The following UNC13C variants were observed in gnomAD, a reference collection of about 807,000 sequenced individuals.
UNC13C encodes the protein protein unc-13 homolog C.
In UNC13C, 174 loss-of-function variants were observed where a neutral mutation model predicts 245.4. That is an observed-to-expected ratio of 0.71 (90% CI 0.63 to 0.80). The LOEUF is 0.80. Among genes scored for constraint, UNC13C ranks in the 30% least tolerant of loss-of-function variants. The probability of loss-of-function intolerance (pLI) is 0.00; values close to 1 mark genes in which losing one functional copy is unlikely to be tolerated. For synonymous variants in UNC13C, 992 were observed against 895.1 expected, an observed-to-expected ratio of 1.11 and a Z score of -1.93; for missense variants, 2,829 against 2,602.9, an observed-to-expected ratio of 1.09 and a Z score of -1.89.
intron 18 of UNC13C, among the ~76,000 whole-genome samples, chr15:54,400,800 T>G (rs1189743696): frequency 6.6e-6 from 1 of 152,216 alleles, no homozygotes; most frequent in Non-Finnish European, 1.5e-5. Flanking sequence ...GTGCACAACG[T>G]GCAGGTTTTT....
intron 4 of UNC13C, among the ~76,000 whole-genome samples, chr15:54,223,538 T>C (rs1042203280): frequency 9.9e-5 from 15 of 152,068 alleles, no homozygotes; most frequent in African/African-American, 3.4e-4. Context: ...TTCTTTAAGT[T>C]TTGTGTTTTT....
At chr15:54,589,422 C>G (rs1001022485) in intron 30 of UNC13C, among the ~76,000 whole-genome samples, 2 of 150,756 alleles carry the variant, frequency 1.3e-5, no homozygotes, top group Non-Finnish European at 2.9e-5. Context: ...CCTCAGCCTC[C>G]CGAATAGCTG....
chr15:54,512,749 G>A (rs888117204), intron 24 of UNC13C, among the ~76,000 whole-genome samples: 3 of 152,236 alleles, frequency 2.0e-5, no homozygotes, highest in South Asian at 2.1e-4. Context: ...TGAGATGTGC[G>A]TAATGCTAGG....
chr15:54,079,682 T>C (rs1259546435), intron 2 of UNC13C, among the ~76,000 whole-genome samples: 1 of 152,074 alleles, frequency 6.6e-6, no homozygotes, highest in African/African-American at 2.4e-5. Flanking sequence ...ACTGCTGAAG[T>C]TCTTTATCAG....
chr15:54,461,488 GT>G (rs1440368396), intron 19 of UNC13C, among the ~76,000 whole-genome samples: 2 of 152,064 alleles, frequency 1.3e-5, no homozygotes, highest in Non-Finnish European at 2.9e-5. Flanking sequence ...TATTTTGTTA[GT>G]CTATAATTTG....
intron 30 of UNC13C, among the ~76,000 whole-genome samples, chr15:54,609,745 G>C (rs990085228): frequency 2.0e-5 from 3 of 152,058 alleles, no homozygotes; most frequent in African/African-American, 7.2e-5. Context: ...CCAGTCTCAT[G>C]CTGCTAATAA....
At chr15:54,385,179 G>A (rs1266847760) in intron 17 of UNC13C, among the ~76,000 whole-genome samples, 1 of 152,056 alleles carries the variant, frequency 6.6e-6, no homozygotes, top group Non-Finnish European at 1.5e-5. Context: ...AAAGAATAGT[G>A]GAAAGATATG....
chr15:54,089,550 G>A (rs2141133493), intron 2 of UNC13C, among the ~76,000 whole-genome samples: 1 of 152,144 alleles, frequency 6.6e-6, no homozygotes, highest in Non-Finnish European at 1.5e-5. Flanking sequence ...TGTTCACTGG[G>A]GTAGAGAGTG....
chr15:54,347,239 A>G (rs1405315696), intron 17 of UNC13C, among the ~76,000 whole-genome samples: 1 of 152,168 alleles, frequency 6.6e-6, no homozygotes, highest in Non-Finnish European at 1.5e-5. Context: ...CGTGGAAACC[A>G]CTCAGCGAAA....
At chr15:54,592,062 C>T (rs1898821482) in intron 30 of UNC13C, among the ~76,000 whole-genome samples, 1 of 152,136 alleles carries the variant, frequency 6.6e-6, no homozygotes, top group African/African-American at 2.4e-5. Context: ...ACCCAATGCT[C>T]ATTCAGGAGC....
intron 2 of UNC13C, among the ~76,000 whole-genome samples, chr15:54,101,641 C>T (rs1900170878): frequency 6.6e-6 from 1 of 151,850 alleles, no homozygotes; most frequent in African/African-American, 2.4e-5. Flanking sequence ...AGTGCAGTGG[C>T]ACTATCTCTG....
At chr15:53,989,869 G>A (rs746333775) in intron 1 of UNC13C, among the ~76,000 whole-genome samples, 3 of 151,952 alleles carry the variant, frequency 2.0e-5, no homozygotes, top group Admixed American at 6.6e-5. Flanking sequence ...GCAATAGTTC[G>A]GCATCTCAGA....
At chr15:54,120,777 T>C (rs1336232423) in intron 2 of UNC13C, among the ~76,000 whole-genome samples, 1 of 151,884 alleles carries the variant, frequency 6.6e-6, no homozygotes, top group African/African-American at 2.4e-5. Flanking sequence ...ATTCCAACCC[T>C]CATGGATGAC....
At chr15:54,112,621 C>T (rs72742581) in intron 2 of UNC13C, among the ~76,000 whole-genome samples, 14,192 of 152,054 alleles carry the variant, frequency 0.093, 906 homozygotes, top group East Asian at 0.26. Context: ...GACATTCACT[C>T]GTGCAAGCTT....
chr15:53,962,663 G>A, the UNC13C span, among the ~76,000 whole-genome samples: 2 of 152,126 alleles, frequency 1.3e-5, no homozygotes, highest in South Asian at 4.1e-4. Context: ...TTTAAGCATT[G>A]CCATGCTCAT....
Position 54,232,354 on chromosome 15 carries a change from G to A in UNC13C, c.3072-2676G>A, listed in dbSNP as rs140373872. Among the ~76,000 whole-genome samples the A allele has an allele frequency of 3.8e-3, 579 of 152,168 alleles. 5 individuals are homozygous for A. The highest frequency in any genetic ancestry group is 0.013 in the African/African-American group (553 of 41,540). On this transcript the variant is annotated intron_variant, in intron 4 of 32. Transcript: ENST00000260323. ...TTTGGATACATGTCTGCTCACTTGG[G>A]CTTGTTATTCTGCAGTGCTCATATT...
chr15:54,253,135 T>C (rs531058620), intron 8 of UNC13C, among the ~76,000 whole-genome samples: 5 of 152,348 alleles, frequency 3.3e-5, no homozygotes, highest in Non-Finnish European at 7.4e-5. Context: ...CTACATGTGG[T>C]CTGACCAATG....
At chr15:53,854,129 T>C in the UNC13C span, among the ~76,000 whole-genome samples, 1 of 145,572 alleles carries the variant, frequency 6.9e-6, no homozygotes, top group Admixed American at 6.8e-5. Context: ...TAGGTTTTTT[T>C]TTTTTTTTTG....
intron 30 of UNC13C, among the ~76,000 whole-genome samples, chr15:54,618,108 A>G (rs2141302558): frequency 6.6e-6 from 1 of 152,266 alleles, no homozygotes; most frequent in South Asian, 2.1e-4. Context: ...TCCCTCACAT[A>G]GCATACTAAA....
Sources: allele counts gnomAD v4.1 joint callset (sites outside exome capture counted in the v4.1 genomes callset), GRCh38; gene constraint gnomAD v4.1.1; transcripts MANE v1.5; gene names NCBI Gene and HGNC (gene_info 2026-07-23, HGNC 2026-07-21).